The following FBXO42 variants were observed in gnomAD, a reference collection of about 807,000 sequenced individuals.
The protein encoded by FBXO42 is F-box protein 42, also known as F-box only protein 42.
Under a neutral mutation model 71.7 loss-of-function variants are expected in FBXO42, and 12 were observed. That is an observed-to-expected ratio of 0.17 (90% CI 0.11 to 0.27). The LOEUF is 0.27. FBXO42 is among the 10% of genes least tolerant of loss of function. FBXO42 has a pLI of 1.00. For synonymous variants in FBXO42, 325 were observed against 327.5 expected (o/e 0.99, Z 0.08); for missense variants, 707 against 911.9 (o/e 0.78, Z 2.89).
At chr1:16,288,886 A>T (rs997895514) in intron 4 of FBXO42, among the ~76,000 whole-genome samples, 6 of 150,248 alleles carry the variant, frequency 4.0e-5, no homozygotes, top group African/African-American at 1.5e-4. Context: ...TGAACCCGGG[A>T]GGCAGAGGCT....
At chr1:16,341,602 C>T (rs1277784568) in intron 1 of FBXO42, among the ~76,000 whole-genome samples, 2 of 94,604 alleles carry the variant, frequency 2.1e-5, no homozygotes, top group South Asian at 4.4e-4. Flanking sequence ...AGTGAGACTG[C>T]GTCTTTTAAA....
intron 4 of FBXO42, among the ~76,000 whole-genome samples, chr1:16,260,523 C>T (rs2081699582): frequency 6.6e-6 from 1 of 151,930 alleles, no homozygotes; most frequent in Non-Finnish European, 1.5e-5. Context: ...TACTATGCAG[C>T]TTTTTAAGTG....
chr1:16,329,464 G>A (rs1397004395), intron 1 of FBXO42, among the ~76,000 whole-genome samples: 1 of 150,434 alleles, frequency 6.6e-6, no homozygotes, highest in Admixed American at 6.6e-5. Flanking sequence ...TGCGCCTGTA[G>A]TCCCAGCTAC....
At position 16,287,773 on chromosome 1, in the gene FBXO42, AG is replaced by A. The variant is rs201084614; in HGVS notation, c.502+7009del. 8.2e-3 allele frequency among the ~76,000 whole-genome samples: 1,247 copies of A among 152,010 alleles called. 10 individuals carry two copies. The highest frequency in any genetic ancestry group is 0.029 in the African/African-American group (1,185 of 41,482). On this transcript the variant is annotated intron_variant, in intron 4 of 9. Coordinates refer to ENST00000375592, the MANE Select transcript of FBXO42 (RefSeq NM_018994.3). ...CCTGTGCTGTCATTTAAGGGAAGTC[AG>A]GCCCTTTGTTTTCAGTGTCAAACTC...
chr1:16,296,175 T>C (rs1372291701), intron 3 of FBXO42, among the ~76,000 whole-genome samples: 2 of 152,220 alleles, frequency 1.3e-5, no homozygotes, highest in Non-Finnish European at 2.9e-5. Flanking sequence ...CCTTACAGTC[T>C]TGCATTTGCC....
chr1:16,270,645 C>T (rs1336410748), intron 4 of FBXO42, among the ~76,000 whole-genome samples: 1 of 128,410 alleles, frequency 7.8e-6, no homozygotes, highest in East Asian at 2.2e-4. Context: ...TCAAGACCAG[C>T]CTGAGCAATA....
intron 1 of FBXO42, among the ~76,000 whole-genome samples, chr1:16,322,687 T>C (rs2082418547): frequency 6.6e-6 from 1 of 152,176 alleles, no homozygotes; most frequent in Admixed American, 6.6e-5. Flanking sequence ...TAAATTAAGG[T>C]TAAGATTTTG....
rs147855037 is a variant in FBXO42 at position 16,338,693 on chromosome 1, G to A, written c.-18+13562C>T. Among the ~76,000 whole-genome samples the A allele has an allele frequency of 1.5e-3, 235 of 151,854 alleles. 1 individual carries two copies. The highest frequency in any genetic ancestry group is 5.4e-3 in the African/African-American group (224 of 41,396). ...CCACAATGCTCCTATCAAATCTCTCGGGTGGCATATAAACCTAGCTTCCCC... is the reference window on the plus strand; with the variant it reads ...CCACAATGCTCCTATCAAATCTCTCAGGTGGCATATAAACCTAGCTTCCCC... On this transcript the variant is annotated intron_variant, in intron 1 of 9. Coordinates refer to ENST00000375592, the MANE Select transcript of FBXO42 (RefSeq NM_018994.3).
intron 3 of FBXO42, among the ~76,000 whole-genome samples, chr1:16,301,329 C>T (rs1557591758): frequency 6.6e-6 from 1 of 151,870 alleles, no homozygotes; most frequent in South Asian, 2.1e-4. Flanking sequence ...ATATTGATAC[C>T]AAATTTATTA....
intron 1 of FBXO42, among the ~76,000 whole-genome samples, chr1:16,333,675 AC>A (rs2082524222): frequency 1.3e-5 from 2 of 152,222 alleles, no homozygotes; most frequent in Non-Finnish European, 2.9e-5. Context: ...AGGCAAGAGC[AC>A]TAAAGCAATC....
At chr1:16,263,798 ATACAT>A (rs1376916062) in intron 4 of FBXO42, among the ~76,000 whole-genome samples, 1 of 148,260 alleles carries the variant, frequency 6.7e-6, no homozygotes, top group East Asian at 2.0e-4. Flanking sequence ...ACCCACGGCC[ATACAT>A]TAACTTTTTT....
intron 1 of FBXO42, among the ~76,000 whole-genome samples, chr1:16,335,488 T>C (rs767548696): frequency 2.0e-5 from 3 of 152,124 alleles, no homozygotes; most frequent in Non-Finnish European, 4.4e-5. Flanking sequence ...ATTAGCTGGT[T>C]TCCCACTTCC....
At chr1:16,263,756 A>AAAAAC (rs895957959) in intron 4 of FBXO42, among the ~76,000 whole-genome samples, 5 of 151,748 alleles carry the variant, frequency 3.3e-5, no homozygotes, top group African/African-American at 9.7e-5. Flanking sequence ...CGAAAAACCA[A>AAAAAC]AAAACAAAAC....
intron 4 of FBXO42, among the ~76,000 whole-genome samples, chr1:16,274,239 G>C (rs2081874367): frequency 6.6e-6 from 1 of 151,842 alleles, no homozygotes; most frequent in East Asian, 1.9e-4. Context: ...CCAAGAGCTG[G>C]AGCTGCGGTG....
rs386366300 is a variant in FBXO42 at position 16,283,494 on chromosome 1, G to GTTTTTT, written c.502+11283_502+11288dup. Among the ~76,000 whole-genome samples the GTTTTTT allele has an allele frequency of 3.9e-3, 319 of 80,978 alleles. 20 individuals are homozygous for GTTTTTT. Among genetic ancestry groups the GTTTTTT allele is most frequent in the South Asian group, 7.9e-3 (17 of 2,154 alleles). The allele number at this position is 80,978 out of a possible 152,430, so 53.1% of individuals were successfully genotyped here. On this transcript the variant is annotated intron_variant, in intron 4 of 9. Transcript: ENST00000375592. Reference sequence around the variant, plus strand: ...TTATAGACTCTTCTAACTGTGGCAAGTTTTTTTTTTTTTTTTTTTTTTTGA... The same window carrying GTTTTTT: ...TTATAGACTCTTCTAACTGTGGCAAGTTTTTTTTTTTTTTTTTTTTTTTTTTTTTGA...
chr1:16,341,461 G>A (rs1569948458), intron 1 of FBXO42, among the ~76,000 whole-genome samples: 1 of 151,928 alleles, frequency 6.6e-6, no homozygotes, highest in African/African-American at 2.4e-5. Context: ...TTATTTGGGA[G>A]TGGTGGTGCA....
intron 4 of FBXO42, among the ~76,000 whole-genome samples, chr1:16,258,676 C>G (rs1300011512): frequency 6.6e-6 from 1 of 152,070 alleles, no homozygotes; most frequent in African/African-American, 2.4e-5. Flanking sequence ...ATTTTGAATA[C>G]TTTCATAAAT....
chr1:16,286,653 G>C (rs1399825555), intron 4 of FBXO42, among the ~76,000 whole-genome samples: 1 of 152,146 alleles, frequency 6.6e-6, no homozygotes, highest in Non-Finnish European at 1.5e-5. Flanking sequence ...CAGCCTGTGT[G>C]TCTCCCCTGA....
intron 3 of FBXO42, among the ~76,000 whole-genome samples, chr1:16,300,747 G>T (rs2082183245): frequency 6.6e-6 from 1 of 152,100 alleles, no homozygotes; most frequent in Non-Finnish European, 1.5e-5. Flanking sequence ...CTGACTATAT[G>T]TGACACCTAC....
Sources: allele counts gnomAD v4.1 joint callset (sites outside exome capture counted in the v4.1 genomes callset), GRCh38; gene constraint gnomAD v4.1.1; transcripts MANE v1.5; gene names NCBI Gene and HGNC (gene_info 2026-07-23, HGNC 2026-07-21).